BMP6: variants seen among roughly 807,000 people sequenced by gnomAD.
BMP6 encodes VG-1-R.
A neutral mutation model predicts 54.1 loss-of-function variants in BMP6; 17 were observed. That is an observed-to-expected ratio of 0.31 (90% confidence interval 0.22 to 0.47). The LOEUF is 0.47. Among genes scored for constraint, BMP6 ranks in the 20% least tolerant of loss-of-function variants. The pLI, the probability that BMP6 is intolerant of heterozygous loss-of-function variation, is 1.00. For missense variants in BMP6, 720 were observed against 690.4 expected (o/e 1.04, Z -0.48); for synonymous variants, 328 against 291.2 (o/e 1.13, Z -1.28).
intron 1 of BMP6, among the ~76,000 whole-genome samples, chr6:7,742,874 A>G (rs1281002233): frequency 2.6e-5 from 4 of 152,200 alleles, no homozygotes; most frequent in Non-Finnish European, 4.4e-5. Flanking sequence ...TAAATTATGT[A>G]TAATGAGACA....
chr6:7,813,479 A>AAAAAAC (rs1758471996), intron 1 of BMP6, among the ~76,000 whole-genome samples: 1 of 145,814 alleles, frequency 6.9e-6, no homozygotes, highest in Non-Finnish European at 1.5e-5. Context: ...AAAAAAAAAA[A>AAAAAAC]AACTATTTAA....
Position 7,744,207 on chromosome 6 carries a change from C to T in BMP6, c.664+16588C>T, listed in dbSNP as rs189016879. ...TTTCAAAGTAAAGTTGCAGACATCA[C>T]CGGACACGGTTGCTCACGCTTGTAA... On this transcript the variant is annotated intron_variant, in intron 1 of 6. Coordinates refer to ENST00000283147, the MANE Select transcript of BMP6 (RefSeq NM_001718.6). Among the ~76,000 whole-genome samples the T allele has an allele frequency of 2.0e-5, 3 of 152,154 alleles. No homozygotes were observed. The East Asian group carries it at 5.8e-4, about 29-fold the overall frequency.
At chr6:7,856,887 C>T (rs1035954517) in intron 2 of BMP6, among the ~76,000 whole-genome samples, 9 of 152,226 alleles carry the variant, frequency 5.9e-5, no homozygotes, top group East Asian at 5.8e-4. Context: ...TGAGCCACCG[C>T]GCCCGGCCTC....
chr6:7,742,690 CA>C (rs1305944026), intron 1 of BMP6, among the ~76,000 whole-genome samples: 1 of 152,152 alleles, frequency 6.6e-6, no homozygotes, highest in Non-Finnish European at 1.5e-5. Context: ...TGAAATGAAT[CA>C]GGCAGAATTA....
intron 1 of BMP6, among the ~76,000 whole-genome samples, chr6:7,830,734 T>G (rs552293498): frequency 2.6e-5 from 4 of 152,266 alleles, no homozygotes; most frequent in Admixed American, 2.0e-4. Context: ...AGAAAGAGCA[T>G]GTGCAGGGGA....
chr6:7,827,292 A>G (rs529098781), intron 1 of BMP6, among the ~76,000 whole-genome samples: 9 of 152,254 alleles, frequency 5.9e-5, no homozygotes, highest in Non-Finnish European at 1.2e-4. Context: ...TTTAGCTTGG[A>G]CTGAATCCGG....
chr6:7,739,241 G>A (rs1012522021), intron 1 of BMP6, among the ~76,000 whole-genome samples: 2 of 152,184 alleles, frequency 1.3e-5, no homozygotes, highest in African/African-American at 2.4e-5. Flanking sequence ...CCGGAACACA[G>A]CACAAAGATG....
chr6:7,830,780 T>A (rs1343264803), intron 1 of BMP6, among the ~76,000 whole-genome samples: 3 of 152,076 alleles, frequency 2.0e-5, no homozygotes, highest in Non-Finnish European at 4.4e-5. Flanking sequence ...CTCATGAGAC[T>A]TATTCACTAT....
At chr6:7,869,617 A>G (rs1360154736) in intron 4 of BMP6, among the ~76,000 whole-genome samples, 1 of 152,082 alleles carries the variant, frequency 6.6e-6, no homozygotes, top group Non-Finnish European at 1.5e-5. Flanking sequence ...GACGATTAGG[A>G]TGCCCTGCCC....
At chr6:7,816,100 C>T (rs566521687) in intron 1 of BMP6, among the ~76,000 whole-genome samples, 12 of 152,124 alleles carry the variant, frequency 7.9e-5, no homozygotes, top group Non-Finnish European at 1.6e-4. Flanking sequence ...TAAGGAAGTC[C>T]GGTCTCCTAG....
intron 1 of BMP6, among the ~76,000 whole-genome samples, chr6:7,798,340 G>A (rs1276503717): frequency 2.0e-5 from 3 of 152,202 alleles, no homozygotes; most frequent in Non-Finnish European, 4.4e-5. Flanking sequence ...CACAGGGATG[G>A]TCTGGACCAC....
chr6:7,788,506 C>T lies in BMP6; in HGVS notation c.665-56634C>T, dbSNP rs112924062. On this transcript the variant is annotated intron_variant, in intron 1 of 6. Transcript: ENST00000283147. ...GGGACCCCTCTGTATGTTTTTATGCCGAGAACTAAAGAATTTTAAAAATAA... is the reference window on the plus strand; with the variant it reads ...GGGACCCCTCTGTATGTTTTTATGCTGAGAACTAAAGAATTTTAAAAATAA... Among the ~76,000 whole-genome samples, 435 of 152,058 alleles carry T rather than the reference C, an allele frequency of 2.9e-3. 5 individuals carry two copies. The highest frequency in any genetic ancestry group is 9.8e-3 in the African/African-American group (405 of 41,448).
chr6:7,737,112 G>A (rs1761966878), intron 1 of BMP6, among the ~76,000 whole-genome samples: 1 of 152,028 alleles, frequency 6.6e-6, no homozygotes, highest in Admixed American at 6.6e-5. Flanking sequence ...CTTGAACCCG[G>A]GAGGCAGAGA....
chr6:7,744,240 AC>A (rs1337220687), intron 1 of BMP6, among the ~76,000 whole-genome samples: 3 of 152,114 alleles, frequency 2.0e-5, no homozygotes, highest in Non-Finnish European at 4.4e-5. Flanking sequence ...TAATCCCAGC[AC>A]TTGGGGAGGC....
At chr6:7,779,124 G>A (rs1049009423) in intron 1 of BMP6, among the ~76,000 whole-genome samples, 1 of 152,168 alleles carries the variant, frequency 6.6e-6, no homozygotes, top group East Asian at 1.9e-4. Flanking sequence ...CCAAGGAGCC[G>A]AGTAGGAGGA....
intron 1 of BMP6, among the ~76,000 whole-genome samples, chr6:7,763,385 C>G (rs529654007): frequency 1.3e-5 from 2 of 152,248 alleles, no homozygotes; most frequent in South Asian, 4.1e-4. Flanking sequence ...GGGAGGCACT[C>G]TTATGGGAAT....
At chr6:7,755,660 A>T (rs1237765943) in intron 1 of BMP6, among the ~76,000 whole-genome samples, 4 of 151,006 alleles carry the variant, frequency 2.6e-5, no homozygotes, top group East Asian at 3.9e-4. Flanking sequence ...GTAGATCAAC[A>T]TTTTTTTTTA....
chr6:7,827,762 A>G (rs1758721504), intron 1 of BMP6, among the ~76,000 whole-genome samples: 1 of 152,214 alleles, frequency 6.6e-6, no homozygotes, highest in South Asian at 2.1e-4. Context: ...AAATGCAAAT[A>G]AGTGCATGCC....
At chr6:7,763,209 T>C (rs965980408) in intron 1 of BMP6, among the ~76,000 whole-genome samples, 1 of 152,214 alleles carries the variant, frequency 6.6e-6, no homozygotes, top group Non-Finnish European at 1.5e-5. Context: ...CTCCACTGTC[T>C]GCAGCCAACC....
Sources: gnomAD v4.1 joint callset for allele counts (sites outside exome capture counted in the v4.1 genomes callset) on GRCh38, gnomAD v4.1.1 for gene constraint, MANE v1.5 for transcripts, NCBI Gene and HGNC (gene_info 2026-07-23, HGNC 2026-07-21) for gene names.